Variants in CCDC85A observed in about 807,000 individuals in gnomAD.
CCDC85A encodes coiled-coil domain containing 85A.
Under a neutral mutation model 50.2 loss-of-function variants are expected in CCDC85A, and 38 were observed. The ratio of observed to expected loss-of-function variants is 0.76; its 90% CI spans 0.58 to 0.99. The LOEUF (loss-of-function observed/expected upper bound fraction) is 0.99. CCDC85A is among the 50% of genes least tolerant of loss of function. The pLI is 0.00. For missense variants in CCDC85A, 820 were observed against 742.0 expected, an observed-to-expected ratio of 1.11 and a Z score of -1.22; for synonymous variants, 366 against 301.4, an observed-to-expected ratio of 1.21 and a Z score of -2.22.
chr2:56,212,540 C>T (rs1677222100), intron 2 of CCDC85A, among the ~76,000 whole-genome samples: 2 of 152,014 alleles, frequency 1.3e-5, no homozygotes, highest in African/African-American at 4.8e-5. Context: ...AACATAAATA[C>T]ATATTTGGGA....
At chr2:56,232,576 CT>C (rs1558597046) in intron 2 of CCDC85A, among the ~76,000 whole-genome samples, 2 of 152,170 alleles carry the variant, frequency 1.3e-5, no homozygotes, top group Admixed American at 6.6e-5. Flanking sequence ...CTCATTCTCT[CT>C]CCTTCCACCC....
chr2:56,333,167 G>A (rs570645365), intron 2 of CCDC85A, among the ~76,000 whole-genome samples: 2 of 152,320 alleles, frequency 1.3e-5, no homozygotes, highest in African/African-American at 4.8e-5. Context: ...AGTTGGTACA[G>A]TAATACAGCA....
At chr2:56,354,733 T>A (rs929479246) in intron 3 of CCDC85A, among the ~76,000 whole-genome samples, 6 of 152,322 alleles carry the variant, frequency 3.9e-5, no homozygotes, top group African/African-American at 1.2e-4. Flanking sequence ...AAAGAGCATA[T>A]TAAATAAATT....
intron 2 of CCDC85A, among the ~76,000 whole-genome samples, chr2:56,319,852 A>G (rs1673087596): frequency 6.6e-6 from 1 of 152,148 alleles, no homozygotes; most frequent in South Asian, 2.1e-4. Context: ...CAGAGACCAC[A>G]TCACACTTAT....
At chr2:56,352,412 C>T (rs112100686) in intron 3 of CCDC85A, among the ~76,000 whole-genome samples, 401 of 152,148 alleles carry the variant, frequency 2.6e-3, no homozygotes, top group African/African-American at 8.3e-3. Flanking sequence ...GTGGTGTGAT[C>T]GCGGCTCACT....
rs1242847817 is a variant in CCDC85A, at chr2:56,193,440, G to C, written c.1240G>C (p.Glu414Gln). Residue 414 changes from glutamate (E) to glutamine (Q), a missense_variant and splice_region_variant, in exon 2 of 6, where the codon GAA (glutamate) becomes CAA (glutamine). Physicochemically the swap from Glu to Gln is conservative, Grantham distance 29. Coordinates refer to ENST00000407595, the MANE Select transcript of CCDC85A (RefSeq NM_001080433.2). ...HHRNVYSGMN[E>Q]STLSYVRQLE... ...CCGGAATGTCTACAGTGGCATGAAC[G>C]GTGGGTCAGTATGTGCTGGGGTGCT... The C allele has an allele frequency of 6.3e-7, 1 of 1,598,000 alleles. No homozygotes were observed. Among genetic ancestry groups the C allele is most frequent in the Non-Finnish European group, 8.5e-7 (1 of 1,172,508 alleles).
intron 3 of CCDC85A, among the ~76,000 whole-genome samples, chr2:56,351,860 G>A (rs1437866125): frequency 2.0e-5 from 3 of 151,972 alleles, no homozygotes; most frequent in East Asian, 1.9e-4. Flanking sequence ...AGTTTAATTC[G>A]ATCCCATTTG....
chr2:56,226,218 G>A (rs578010201), intron 2 of CCDC85A, among the ~76,000 whole-genome samples: 7 of 152,142 alleles, frequency 4.6e-5, no homozygotes, highest in Non-Finnish European at 1.0e-4. Flanking sequence ...AAATTTACTT[G>A]ACATGCCTTA....
intron 2 of CCDC85A, among the ~76,000 whole-genome samples, chr2:56,206,896 G>A (rs1311798634): frequency 6.6e-6 from 1 of 152,142 alleles, no homozygotes; most frequent in East Asian, 1.9e-4. Flanking sequence ...TTTTTGCAAT[G>A]AAGGAGTCAT....
rs1457172445 is a variant in CCDC85A, at chr2:56,375,758, T to C, written c.1453-58T>C. The C allele has an allele frequency of 3.2e-6, 5 of 1,558,088 alleles. No individual in the cohort carries two copies. The African/African-American group carries it at 6.8e-5, about 21-fold the overall frequency. On this transcript the variant is annotated intron_variant, in intron 4 of 5. Transcript: ENST00000407595. ...TAGTGAAATTGAATATTGAATGACATCTTTGTAGTTATAAACGACTTTTGT... is the reference window on the plus strand; with the variant it reads ...TAGTGAAATTGAATATTGAATGACACCTTTGTAGTTATAAACGACTTTTGT...
chr2:56,385,387 G>C lies in CCDC85A; in HGVS notation c.*1032G>C, dbSNP rs1013663921. On this transcript the variant is annotated 3_prime_UTR_variant, in exon 6 of 6. Transcript: ENST00000407595. ...AAAAGCTCTTGTTCAGATTGCTTGA[G>C]GTTTGAAAAAGAGGTGTGCTAGCTT... 8.5e-5 allele frequency: 13 copies of C among 152,162 alleles called. No individual in the cohort carries two copies. Among genetic ancestry groups the C allele is most frequent in the African/African-American group, 2.9e-4 (12 of 41,460 alleles). The allele number at this position is 152,162 out of a possible 1,614,324, so 9.4% of individuals were successfully genotyped here.
intron 2 of CCDC85A, among the ~76,000 whole-genome samples, chr2:56,264,469 T>C (rs214046): frequency 0.82 from 125,200 of 152,070 alleles, 52,286 homozygotes; most frequent in East Asian, 1. Flanking sequence ...CCAAACCACC[T>C]GCAAATCCTT....
intron 2 of CCDC85A, among the ~76,000 whole-genome samples, chr2:56,215,131 A>G (rs1247197506): frequency 1.3e-5 from 2 of 151,948 alleles, no homozygotes; most frequent in African/African-American, 4.8e-5. Context: ...CTTTGGTGCT[A>G]TCATAAATGA....
chr2:56,238,766 G>A lies in CCDC85A; in HGVS notation c.1240+45326G>A, dbSNP rs180918075. On this transcript the variant is annotated intron_variant, in intron 2 of 5. Transcript: ENST00000407595. ...TATATAAGAGTAAAAAACTCATACT[G>A]CTTTTGAAACATGGGCCCAGTCTAC... Among the ~76,000 whole-genome samples the A allele has an allele frequency of 3.3e-5, 5 of 152,138 alleles. No homozygotes were observed. The East Asian group carries it at 9.7e-4, about 29-fold the overall frequency.
intron 3 of CCDC85A, among the ~76,000 whole-genome samples, chr2:56,344,046 G>A (rs1281916486): frequency 6.6e-6 from 1 of 152,090 alleles, no homozygotes; most frequent in Non-Finnish European, 1.5e-5. Context: ...GAAATCATGA[G>A]ATTAAGTGAA....
chr2:56,228,647 C>T (rs2103929430), intron 2 of CCDC85A, among the ~76,000 whole-genome samples: 1 of 152,216 alleles, frequency 6.6e-6, no homozygotes, highest in South Asian at 2.1e-4. Context: ...ATTCTCCTGC[C>T]TCAGCCTCCC....
chr2:56,360,708 C>G (rs1026262469), intron 3 of CCDC85A, among the ~76,000 whole-genome samples: 2 of 152,116 alleles, frequency 1.3e-5, no homozygotes, highest in Admixed American at 6.5e-5. Flanking sequence ...AAGCAAGAAG[C>G]TTTAGTTTGT....
chr2:56,335,252 C>T (rs1289693433), intron 2 of CCDC85A, among the ~76,000 whole-genome samples: 13 of 152,120 alleles, frequency 8.5e-5, no homozygotes. Flanking sequence ...TTTTAAAATA[C>T]ACAGTTCTGA....
intron 2 of CCDC85A, among the ~76,000 whole-genome samples, chr2:56,286,315 A>C (rs1303636006): frequency 6.6e-6 from 1 of 151,934 alleles, no homozygotes; most frequent in Non-Finnish European, 1.5e-5. Context: ...TTTCTGTTCC[A>C]TTGTCTCTTT....
Sources: allele counts gnomAD v4.1 joint callset (sites outside exome capture counted in the v4.1 genomes callset), GRCh38; gene constraint gnomAD v4.1.1; transcripts MANE v1.5; gene names NCBI Gene and HGNC (gene_info 2026-07-23, HGNC 2026-07-21).